The following ACCSL variants were observed in gnomAD, a reference collection of about 807,000 sequenced individuals.
The protein encoded by ACCSL is probable inactive 1-aminocyclopropane-1-carboxylate synthase-like protein 2.
In ACCSL, 55 loss-of-function variants were observed where a neutral mutation model predicts 61.7. That is an observed-to-expected ratio of 0.89 (90% CI 0.72 to 1.12). The LOEUF (loss-of-function observed/expected upper bound fraction) is 1.12. Among genes scored for constraint, ACCSL ranks in the 50% most tolerant of loss-of-function variants. ACCSL has a pLI of 0.00. For missense variants in ACCSL, 632 were observed against 698.0 expected, an observed-to-expected ratio of 0.91 and a Z score of 1.07; for synonymous variants, 258 against 264.3, an observed-to-expected ratio of 0.98 and a Z score of 0.23.
At chr11:44,045,461 CA>C (rs896276514), upstream of ACCSL, among the ~76,000 whole-genome samples, 1 of 152,026 alleles carries the variant, frequency 6.6e-6, no homozygotes, top group Non-Finnish European at 1.5e-5. Flanking sequence ...ACCCCCCCCA[CA>C]AAAAAACCAA....
At position 44,050,851 on chromosome 11, in the gene ACCSL, T is replaced by C. The variant is rs1477995576; in HGVS notation, c.635+229T>C. 2.7e-5 allele frequency among the ~76,000 whole-genome samples: 4 copies of C among 150,524 alleles called. No individual in the cohort carries two copies. In the East Asian group the frequency reaches 7.8e-4, roughly 29 times the overall value. On this transcript the variant is annotated intron_variant, in intron 3 of 13. Coordinates refer to ENST00000378832, the MANE Select transcript of ACCSL (RefSeq NM_001031854.2). ...AAAAGGCCTGAGTTCTTTTTTTTTT[T>C]TTTTTTTTGAGATGGAGTCTCACTC...
At chr11:44,016,967 T>A in the ACCSL span, among the ~76,000 whole-genome samples, 4 of 152,176 alleles carry the variant, frequency 2.6e-5, no homozygotes, top group Non-Finnish European at 5.9e-5. Flanking sequence ...AGTTTTTGCC[T>A]CATGTTTCAT....
the ACCSL span, among the ~76,000 whole-genome samples, chr11:43,980,341 A>G: frequency 6.6e-6 from 1 of 152,236 alleles, no homozygotes; most frequent in African/African-American, 2.4e-5. Flanking sequence ...TTGAATGAGC[A>G]CTACCACATT....
the ACCSL span, among the ~76,000 whole-genome samples, chr11:43,936,818 G>C: frequency 2.6e-5 from 4 of 151,540 alleles, no homozygotes; most frequent in African/African-American, 9.7e-5. Flanking sequence ...AGGGTGGGTG[G>C]TAAGCCCCGG....
intron 13 of ACCSL, 24 bp downstream of exon 13, chr11:44,058,723 C>A (rs918830063): frequency 1.3e-6 from 2 of 1,591,166 alleles, no homozygotes; most frequent in Non-Finnish European, 1.7e-6. Context: ...ACCTCCCAAT[C>A]CTTTAAAGAC....
chr11:44,002,506 G>C, the ACCSL span, among the ~76,000 whole-genome samples: 1 of 152,150 alleles, frequency 6.6e-6, no homozygotes, highest in Admixed American at 6.5e-5. Context: ...CTTGACACAG[G>C]ATGGCCAAAG....
intron 5 of ACCSL, 126 bp downstream of exon 5, chr11:44,051,845 C>T (rs1952641672): frequency 9.3e-7 from 1 of 1,075,024 alleles, no homozygotes; most frequent in Non-Finnish European, 1.4e-6. Context: ...AGTGGTGGGC[C>T]TTCTCCCACA....
At chr11:44,005,388 G>C in the ACCSL span, among the ~76,000 whole-genome samples, 2 of 152,132 alleles carry the variant, frequency 1.3e-5, no homozygotes, top group Non-Finnish European at 2.9e-5. Flanking sequence ...CTGCCTGGGT[G>C]GGGGAGGGGA....
chr11:44,013,258 A>C, the ACCSL span, among the ~76,000 whole-genome samples: 1 of 152,238 alleles, frequency 6.6e-6, no homozygotes, highest in South Asian at 2.1e-4. Flanking sequence ...TTATGTATGT[A>C]AAAGAACATA....
At chr11:44,019,441 ACTGT>A in the ACCSL span, among the ~76,000 whole-genome samples, 1 of 152,204 alleles carries the variant, frequency 6.6e-6, no homozygotes, top group African/African-American at 2.4e-5. Flanking sequence ...AACACTTGTT[ACTGT>A]CTGTCATTTT....
chr11:43,959,517 A>G, the ACCSL span, among the ~76,000 whole-genome samples: 2 of 152,238 alleles, frequency 1.3e-5, no homozygotes, highest in Non-Finnish European at 2.9e-5. Flanking sequence ...TCTACGTCCA[A>G]CCAGGAGGAT....
At chr11:43,980,338 A>G in the ACCSL span, among the ~76,000 whole-genome samples, 1 of 152,232 alleles carries the variant, frequency 6.6e-6, no homozygotes, top group Non-Finnish European at 1.5e-5. Context: ...AATTTGAATG[A>G]GCACTACCAC....
At chr11:44,029,498 A>C in the ACCSL span, among the ~76,000 whole-genome samples, 3,638 of 152,310 alleles carry the variant, frequency 0.024, 158 homozygotes, top group African/African-American at 0.083. Flanking sequence ...GTGCTCAGTC[A>C]TTATTGCTGA....
the ACCSL span, among the ~76,000 whole-genome samples, chr11:43,973,053 C>T: frequency 4.6e-5 from 7 of 152,082 alleles, no homozygotes; most frequent in Non-Finnish European, 1.0e-4. Context: ...ATTCTTGGAC[C>T]CTGCCTCAAT....
chr11:43,927,020 C>T, the ACCSL span, among the ~76,000 whole-genome samples: 94,168 of 152,230 alleles, frequency 0.62, 29,656 homozygotes, highest in East Asian at 0.9. Flanking sequence ...AGTGCTGGGA[C>T]TACAGGCGTG....
the ACCSL span, among the ~76,000 whole-genome samples, chr11:43,954,377 G>A: frequency 1.3e-5 from 2 of 152,064 alleles, no homozygotes; most frequent in African/African-American, 2.4e-5. Flanking sequence ...GGTCCCAAGC[G>A]GGTTTTCTGG....
Position 44,048,099 on chromosome 11 carries a change from A to G in ACCSL, c.63A>G (p.Arg21=), listed in dbSNP as rs746240408. The part of the protein sequence containing the change: ...PSGQRRGRVP[R]DHSIYTQLLE... Reference sequence around the variant, plus strand: ...GTCAGAGGAGAGGCCGGGTCCCCAGAGACCACAGCATCTATACCCAGCTGT... The same window carrying G: ...GTCAGAGGAGAGGCCGGGTCCCCAGGGACCACAGCATCTATACCCAGCTGT... The change falls in exon 1 of 14, where the codon AGA becomes AGG. Residue 21 remains arginine (R), a synonymous_variant. Coordinates refer to ENST00000378832, the MANE Select transcript of ACCSL (RefSeq NM_001031854.2). 5 of 1,614,184 alleles carry G rather than the reference A, an allele frequency of 3.1e-6. No individual in the cohort carries two copies. The highest frequency in any genetic ancestry group is 4.2e-6 in the Non-Finnish European group (5 of 1,180,024).
At chr11:44,006,426 G>A in the ACCSL span, among the ~76,000 whole-genome samples, 6 of 152,068 alleles carry the variant, frequency 3.9e-5, no homozygotes, top group South Asian at 2.1e-4. Flanking sequence ...TGCTGACTGC[G>A]TGACTTTGGG....
chr11:43,958,305 A>G, the ACCSL span, among the ~76,000 whole-genome samples: 1 of 152,176 alleles, frequency 6.6e-6, no homozygotes, highest in African/African-American at 2.4e-5. Flanking sequence ...TCACAACCAG[A>G]TGGCCCCACC....
Sources: allele counts gnomAD v4.1 joint callset (sites outside exome capture counted in the v4.1 genomes callset), GRCh38; gene constraint gnomAD v4.1.1; transcripts MANE v1.5; gene names NCBI Gene and HGNC (gene_info 2026-07-23, HGNC 2026-07-21).